TLN2: variants seen among roughly 807,000 people sequenced by gnomAD.
TLN2 encodes talin 2, also known as talin-2.
In TLN2, 118 loss-of-function variants were observed where a neutral mutation model predicts 294.7. The observed-to-expected ratio is 0.40, with a 90% CI of 0.34 to 0.47. The LOEUF (loss-of-function observed/expected upper bound fraction) is 0.47, where lower values mean the gene tolerates loss of function less well. TLN2 is among the 20% of genes least tolerant of loss of function. The pLI, the probability that TLN2 is intolerant of heterozygous loss-of-function variation, is 0.84. For synonymous variants in TLN2, 1,431 were observed against 1,304.5 expected (o/e 1.10, Z -2.09); for missense variants, 3,083 against 3,282.2 (o/e 0.94, Z 1.48).
intron 1 of TLN2, among the ~76,000 whole-genome samples, chr15:62,397,617 C>G (rs1269735147): frequency 6.6e-5 from 10 of 152,154 alleles, no homozygotes; most frequent in Admixed American, 3.9e-4. Flanking sequence ...ATGGGAGATC[C>G]AGAATCTCAA....
chr15:62,394,873 A>G (rs1047221836), intron 1 of TLN2, among the ~76,000 whole-genome samples: 1 of 152,174 alleles, frequency 6.6e-6, no homozygotes, highest in Non-Finnish European at 1.5e-5. Flanking sequence ...ACCCAGAGCT[A>G]TGAATTAGGA....
At chr15:62,762,956 A>G (rs77618835) in intron 39 of TLN2, among the ~76,000 whole-genome samples, 3,111 of 152,338 alleles carry the variant, frequency 0.02, 49 homozygotes, top group Non-Finnish European at 0.027. Flanking sequence ...GTGGGAGCCT[A>G]AAAAGACATC....
intron 36 of TLN2, chr15:62,755,097 T>C (rs1192194840): frequency 6.5e-6 from 1 of 153,862 alleles, no homozygotes; most frequent in Non-Finnish European, 1.4e-5. Context: ...TATGATGAAA[T>C]ATTTTGGATA....
At chr15:62,545,646 A>G (rs1324976862) in intron 1 of TLN2, among the ~76,000 whole-genome samples, 2 of 152,040 alleles carry the variant, frequency 1.3e-5, no homozygotes, top group African/African-American at 4.8e-5. Context: ...TTTATGCTCA[A>G]GTGAATCAAT....
intron 1 of TLN2, among the ~76,000 whole-genome samples, chr15:62,524,656 A>G (rs2040640932): frequency 6.6e-6 from 1 of 152,224 alleles, no homozygotes; most frequent in South Asian, 2.1e-4. Context: ...AATGTCAGTA[A>G]ATGATACCTA....
chr15:62,787,717 G>C (rs1364375607), intron 45 of TLN2, among the ~76,000 whole-genome samples: 1 of 48,284 alleles, frequency 2.1e-5, no homozygotes, highest in African/African-American at 9.1e-5. Flanking sequence ...TTTTTTTTTT[G>C]AGACAGAGTC....
chr15:62,397,564 C>G (rs2032652455), intron 1 of TLN2, among the ~76,000 whole-genome samples: 1 of 152,094 alleles, frequency 6.6e-6, no homozygotes, highest in South Asian at 2.1e-4. Context: ...ACACCCTGCT[C>G]TACATTGAAA....
intron 9 of TLN2, among the ~76,000 whole-genome samples, chr15:62,666,810 T>C (rs2054706259): frequency 6.6e-6 from 1 of 152,206 alleles, no homozygotes; most frequent in Non-Finnish European, 1.5e-5. Flanking sequence ...CCAAGTGTGT[T>C]TGAATCTGTA....
intron 1 of TLN2, among the ~76,000 whole-genome samples, chr15:62,553,192 C>T (rs749954170): frequency 1.3e-5 from 2 of 152,144 alleles, no homozygotes; most frequent in Non-Finnish European, 2.9e-5. Flanking sequence ...TTGCATTTTT[C>T]ATATTATTTA....
intron 1 of TLN2, among the ~76,000 whole-genome samples, chr15:62,490,628 G>A (rs1017211670): frequency 2.0e-5 from 3 of 151,976 alleles, no homozygotes; most frequent in East Asian, 1.9e-4. Context: ...GGAGCTTCTC[G>A]GTGTTGTGTG....
At chr15:62,662,354 C>T (rs1272584161) in intron 9 of TLN2, among the ~76,000 whole-genome samples, 2 of 152,130 alleles carry the variant, frequency 1.3e-5, no homozygotes, top group South Asian at 2.1e-4. Flanking sequence ...ACAACAAACA[C>T]TAGGCCCAGG....
At chr15:62,612,639 A>AT (rs907165296) in intron 2 of TLN2, among the ~76,000 whole-genome samples, 3 of 151,912 alleles carry the variant, frequency 2.0e-5, no homozygotes, top group Non-Finnish European at 4.4e-5. Flanking sequence ...TGTTCGTGAG[A>AT]TTTTTTTTCT....
chr15:62,507,725 G>A (rs577606826), intron 1 of TLN2, among the ~76,000 whole-genome samples: 1 of 152,344 alleles, frequency 6.6e-6, no homozygotes, highest in African/African-American at 2.4e-5. Flanking sequence ...AATGTGGCAT[G>A]CTTAGTAAGC....
At chr15:62,410,867 C>T (rs1437085811) in intron 1 of TLN2, among the ~76,000 whole-genome samples, 1 of 152,178 alleles carries the variant, frequency 6.6e-6, no homozygotes, top group Non-Finnish European at 1.5e-5. Flanking sequence ...TCTTCTGACT[C>T]CTAGGCCAGT....
chr15:62,561,386 C>T (rs1339894092), intron 1 of TLN2: 3 of 152,230 alleles, frequency 2.0e-5, no homozygotes, highest in East Asian at 3.9e-4. Context: ...CAAGCTCCCT[C>T]CTTAACAGCT....
chr15:62,839,072 T>C (rs1257002663), intron 58 of TLN2, 91 bp downstream of exon 58: 1 of 1,500,620 alleles, frequency 6.7e-7, no homozygotes, highest in Non-Finnish European at 9.0e-7. Flanking sequence ...AAGATGAAAG[T>C]TTATTTCTTC....
intron 43 of TLN2, among the ~76,000 whole-genome samples, chr15:62,779,827 T>A (rs2063999430): frequency 6.6e-6 from 1 of 152,260 alleles, no homozygotes; most frequent in South Asian, 2.1e-4. Flanking sequence ...GGAGTTTGTG[T>A]TAATAGTTTG....
intron 25 of TLN2, among the ~76,000 whole-genome samples, chr15:62,721,937 G>A (rs1001716543): frequency 2.0e-5 from 3 of 152,144 alleles, no homozygotes; most frequent in Admixed American, 1.3e-4. Context: ...TGCTTTGTGA[G>A]GTGCGAGGTC....
chr15:62,467,931 G>A (rs943736333), intron 1 of TLN2, among the ~76,000 whole-genome samples: 1 of 152,052 alleles, frequency 6.6e-6, no homozygotes, highest in Non-Finnish European at 1.5e-5. Flanking sequence ...TCTGGTTGGA[G>A]CAGAAAAGAC....
Sources: gnomAD v4.1 joint callset for allele counts (sites outside exome capture counted in the v4.1 genomes callset) on GRCh38, gnomAD v4.1.1 for gene constraint, MANE v1.5 for transcripts, NCBI Gene and HGNC (gene_info 2026-07-23, HGNC 2026-07-21) for gene names.